The following KCTD1 variants were observed in gnomAD, a reference collection of about 807,000 sequenced individuals.
The protein encoded by KCTD1 is BTB/POZ domain-containing protein KCTD1.
Under a neutral mutation model 66.0 loss-of-function variants are expected in KCTD1, and 24 were observed. The observed-to-expected ratio is 0.36, with a 90% CI of 0.26 to 0.51. The LOEUF (loss-of-function observed/expected upper bound fraction) is 0.51, where lower values mean the gene tolerates loss of function less well. Among genes scored for constraint, KCTD1 ranks in the 20% least tolerant of loss-of-function variants. The pLI is 0.95. For synonymous variants in KCTD1, 511 were observed against 517.2 expected (o/e 0.99, Z 0.16); for missense variants, 943 against 1,205.2 (o/e 0.78, Z 3.22).
chr18:26,549,096 C>G, upstream of KCTD1: 1 of 984,826 alleles, frequency 1.0e-6, no homozygotes, highest in Non-Finnish European at 1.2e-6. Flanking sequence ...CTGGGGCCGC[C>G]CGGAGCGGAG....
At chr18:26,508,152 A>C (rs1375169337) in intron 1 of KCTD1, among the ~76,000 whole-genome samples, 1 of 152,228 alleles carries the variant, frequency 6.6e-6, no homozygotes, top group African/African-American at 2.4e-5. Context: ...CTGACATGAA[A>C]CAGCCCTTAG....
chr18:26,495,075 G>A (rs1305164096), intron 2 of KCTD1, among the ~76,000 whole-genome samples: 2 of 152,136 alleles, frequency 1.3e-5, no homozygotes, highest in South Asian at 4.2e-4. Flanking sequence ...CAGTGATTCC[G>A]AAAGCAAGTG....
intron 1 of KCTD1, among the ~76,000 whole-genome samples, chr18:26,582,966 A>C (rs778312742): frequency 4.6e-5 from 7 of 152,222 alleles, no homozygotes; most frequent in Non-Finnish European, 7.3e-5. Flanking sequence ...GAGAAAAAAT[A>C]AGTATACATA....
chr18:26,499,635 C>T (rs1216729505), intron 2 of KCTD1, among the ~76,000 whole-genome samples: 1 of 152,048 alleles, frequency 6.6e-6, no homozygotes. Flanking sequence ...GATTTTAAAA[C>T]AAAAAACAAA....
intron 1 of KCTD1, among the ~76,000 whole-genome samples, chr18:26,618,437 C>T (rs1329403353): frequency 6.6e-6 from 1 of 152,192 alleles, no homozygotes. Context: ...ATTCCACCTA[C>T]CACCTACCTA....
At chr18:26,560,746 T>C (rs1985827897) in intron 1 of KCTD1, among the ~76,000 whole-genome samples, 1 of 152,252 alleles carries the variant, frequency 6.6e-6, no homozygotes, top group South Asian at 2.1e-4. Flanking sequence ...TTAAAATCCA[T>C]AGCTTTCAAC....
At chr18:26,647,221 G>T (rs1437170939) in intron 1 of KCTD1, among the ~76,000 whole-genome samples, 1 of 151,886 alleles carries the variant, frequency 6.6e-6, no homozygotes, top group African/African-American at 2.4e-5. Context: ...AAAAAAGACT[G>T]AATTCAGCTA....
At chr18:26,540,020 G>A (rs1183404873) in intron 1 of KCTD1, among the ~76,000 whole-genome samples, 1 of 152,106 alleles carries the variant, frequency 6.6e-6, no homozygotes, top group East Asian at 1.9e-4. Context: ...TTTGGTCCCT[G>A]GCACACAGTG....
intron 1 of KCTD1, among the ~76,000 whole-genome samples, chr18:26,568,027 A>G (rs1484956190): frequency 6.6e-6 from 1 of 152,130 alleles, no homozygotes; most frequent in Non-Finnish European, 1.5e-5. Flanking sequence ...TTAGCACAAC[A>G]TTTTAGATCT....
intron 1 of KCTD1, chr18:26,599,552 C>T: frequency 6.6e-7 from 1 of 1,506,094 alleles, no homozygotes; most frequent in Non-Finnish European, 9.2e-7. Flanking sequence ...CATGAACCAG[C>T]TGTTGCAGTC....
At position 26,594,666 on chromosome 18, in the gene KCTD1, G is replaced by A. The variant is rs372507162; in HGVS notation, c.-16+34481C>T. On this transcript the variant is annotated intron_variant, in intron 1 of 4. Coordinates refer to the KCTD1 transcript ENST00000317932. ...CTTTATGTCAACTCAGCTAGGCTGC[G>A]GTGCCCAAATGTCTGGTCAACCAAC... 9.2e-5 allele frequency among the ~76,000 whole-genome samples: 14 copies of A among 152,124 alleles called. 1 individual carries two copies. The highest frequency in any genetic ancestry group is 3.9e-4 in the East Asian group (2 of 5,194).
intron 1 of KCTD1, among the ~76,000 whole-genome samples, chr18:26,602,049 A>T (rs181745822): frequency 1.9e-4 from 29 of 152,316 alleles, no homozygotes; most frequent in African/African-American, 6.5e-4. Flanking sequence ...TGATGAGAAC[A>T]GACATTCTTC....
At position 26,459,644 on chromosome 18, in the gene KCTD1, G is replaced by A. The variant is rs766636520; in HGVS notation, c.2415C>T (p.Gly805=). ...STHVIRFPLN[G]YCHLNSVQVL... ...CCTGGACTGAGTTGAGGTGACAGTA[G>A]CCATTTAGTGGAAACCTGATGACGT... Residue 805 remains glycine, a synonymous_variant, in exon 4 of 5, where the codon GGC becomes GGT. Coordinates refer to ENST00000580059, the MANE Select transcript of KCTD1 (RefSeq NM_001142730.3). 1.9e-6 allele frequency: 3 copies of A among 1,602,194 alleles called. No individual in the cohort carries two copies. The highest frequency in any genetic ancestry group is 1.3e-5 in the African/African-American group (1 of 74,954).
In KCTD1 at chr18:26,501,259, A is replaced by G. The variant is rs376796121; in HGVS notation, c.1810-9T>C. The G allele has an allele frequency of 6.2e-7, 1 of 1,608,414 alleles. No homozygotes were observed. Among genetic ancestry groups the G allele is most frequent in the Non-Finnish European group, 8.5e-7 (1 of 1,176,504 alleles). On this transcript the variant is annotated splice_polypyrimidine_tract_variant and intron_variant, in intron 1 of 4. Coordinates refer to ENST00000580059, the MANE Select transcript of KCTD1 (RefSeq NM_001142730.3). ...ATATTGGGCCGACTGTCCTACAGAG[A>G]GATAAGCAAGTTTAGATACTTTTTC... is the stretch of plus-strand genomic sequence containing the variant.
rs928446916 is a variant in KCTD1, at chr18:26,455,430, C to G, written c.*313G>C. 1.2e-5 allele frequency: 2 copies of G among 166,614 alleles called. No individual in the cohort carries two copies. The highest frequency in any genetic ancestry group is 6.4e-5 in the Admixed American group (1 of 15,564). 10.3% of individuals were successfully genotyped at this position (166,614 alleles called of 1,614,324 possible). A position where few individuals can be genotyped will look rare whatever the true frequency, so the allele number is the denominator to read the frequency against. Reference sequence around the variant, plus strand: ...CATGGCTTGTTTATTTGTCAGAGGCCTCGGAAGGCCCAGGACACTTCACGG... The same window carrying G: ...CATGGCTTGTTTATTTGTCAGAGGCGTCGGAAGGCCCAGGACACTTCACGG... On this transcript the variant is annotated 3_prime_UTR_variant, in exon 5 of 5. Coordinates refer to ENST00000580059, the MANE Select transcript of KCTD1 (RefSeq NM_001142730.3).
intron 1 of KCTD1, among the ~76,000 whole-genome samples, chr18:26,502,926 C>T (rs552300473): frequency 3.4e-4 from 52 of 152,310 alleles, no homozygotes; most frequent in African/African-American, 1.2e-3. Flanking sequence ...ATTTTATGAT[C>T]TGGAACAGCT....
chr18:26,574,926 G>GA (rs986747562), intron 1 of KCTD1, among the ~76,000 whole-genome samples: 12 of 150,434 alleles, frequency 8.0e-5, no homozygotes, highest in South Asian at 2.1e-4. Context: ...CTTTGCTGTG[G>GA]AAAAAAAAAT....
intron 3 of KCTD1, among the ~76,000 whole-genome samples, chr18:26,463,567 G>A (rs1039779604): frequency 2.0e-5 from 3 of 150,078 alleles, no homozygotes; most frequent in East Asian, 3.9e-4. Context: ...ATGGAGTTTC[G>A]CTCTTGTCAT....
chr18:26,536,217 T>A (rs1254952741), intron 1 of KCTD1, among the ~76,000 whole-genome samples: 1 of 152,212 alleles, frequency 6.6e-6, no homozygotes, highest in African/African-American at 2.4e-5. Flanking sequence ...GTGTGAGTTG[T>A]AATTAACATG....
Sources: gnomAD v4.1 joint callset for allele counts (sites outside exome capture counted in the v4.1 genomes callset) on GRCh38, gnomAD v4.1.1 for gene constraint, MANE v1.5 for transcripts, NCBI Gene and HGNC (gene_info 2026-07-23, HGNC 2026-07-21) for gene names.